Variants in CPNE4 observed in about 807,000 individuals in gnomAD.
The protein encoded by CPNE4 is copine 4, also known as copine-4.
In CPNE4, 25 loss-of-function variants were observed where a neutral mutation model predicts 67.9. The ratio of observed to expected loss-of-function variants is 0.37; its 90% CI spans 0.27 to 0.51. The LOEUF (loss-of-function observed/expected upper bound fraction) is 0.51, where lower values mean the gene tolerates loss of function less well. Among genes scored for constraint, CPNE4 ranks in the 20% least tolerant of loss-of-function variants. The probability of loss-of-function intolerance (pLI) is 0.93; values close to 1 mark genes in which losing one functional copy is unlikely to be tolerated. For synonymous variants in CPNE4, 242 were observed against 244.9 expected, an observed-to-expected ratio of 0.99 and a Z score of 0.11; for missense variants, 464 against 690.8, an observed-to-expected ratio of 0.67 and a Z score of 3.68.
chr3:132,005,203 G>A (rs2073557401), intron 1 of CPNE4, among the ~76,000 whole-genome samples: 1 of 151,046 alleles, frequency 6.6e-6, no homozygotes. Flanking sequence ...CAATTGCCCT[G>A]GAGAGCCACT....
At chr3:131,953,251 A>AATAAAT (rs1553813417) in intron 1 of CPNE4, among the ~76,000 whole-genome samples, 28,009 of 140,790 alleles carry the variant, frequency 0.2, 3,558 homozygotes, top group Middle Eastern at 0.28. Context: ...AAAAAAAAAA[A>AATAAAT]AAAAAAAAAA....
At chr3:131,571,775 C>G (rs776744641) in intron 10 of CPNE4, among the ~76,000 whole-genome samples, 2 of 151,954 alleles carry the variant, frequency 1.3e-5, no homozygotes, top group Non-Finnish European at 2.9e-5. Context: ...CTTCAAGGCC[C>G]TCGTCAATAT....
At position 131,555,632 on chromosome 3, in the gene CPNE4, A is replaced by G. The variant is rs146317922; in HGVS notation, c.1062-81T>C. ...ATGAGAAAGAAAAACATTAACCTAC[A>G]TTACTAGGTTGCTAGGCCATGTTGC... On this transcript the variant is annotated intron_variant, in intron 11 of 15. Transcript: ENST00000429747. The G allele has an allele frequency of 6.2e-4, 758 of 1,212,816 alleles. 2 individuals carry two copies. In the African/African-American group the frequency reaches 9.2e-3, roughly 15 times the overall value. 75.1% of individuals were successfully genotyped at this position (1,212,816 alleles called of 1,614,324 possible).
intron 10 of CPNE4, among the ~76,000 whole-genome samples, chr3:131,572,593 G>A (rs1046926390): frequency 6.6e-6 from 1 of 152,056 alleles, no homozygotes; most frequent in African/African-American, 2.4e-5. Flanking sequence ...ACAGAAGGGA[G>A]AGTGGAGAAG....
intron 2 of CPNE4, among the ~76,000 whole-genome samples, chr3:131,796,051 C>T (rs1267769831): frequency 6.6e-6 from 1 of 152,152 alleles, no homozygotes; most frequent in Non-Finnish European, 1.5e-5. Context: ...AGTCATTTAA[C>T]TTATCAGAGT....
intron 1 of CPNE4, among the ~76,000 whole-genome samples, chr3:131,988,399 T>G (rs1041562831): frequency 6.6e-6 from 1 of 152,178 alleles, no homozygotes; most frequent in Non-Finnish European, 1.5e-5. Context: ...CAGATTTGCA[T>G]TTTTAAAAAG....
chr3:131,722,922 A>G (rs1478304322), intron 3 of CPNE4, among the ~76,000 whole-genome samples: 2 of 152,238 alleles, frequency 1.3e-5, no homozygotes, highest in African/African-American at 4.8e-5. Flanking sequence ...CACTGATAAA[A>G]TGGATATAAT....
At chr3:131,686,510 A>G (rs540722133) in intron 5 of CPNE4, among the ~76,000 whole-genome samples, 3 of 152,320 alleles carry the variant, frequency 2.0e-5, no homozygotes, top group African/African-American at 7.2e-5. Context: ...AGCTTCTAGC[A>G]AGTGGTTATA....
At chr3:132,017,494 CCTTT>C (rs2073911575) in intron 1 of CPNE4, 1 of 152,208 alleles carries the variant, frequency 6.6e-6, no homozygotes, top group African/African-American at 2.4e-5. Flanking sequence ...ATACTTGTTC[CCTTT>C]CTATTTCCAA....
chr3:132,024,112 C>G (rs1477111247), intron 1 of CPNE4, among the ~76,000 whole-genome samples: 1 of 138,334 alleles, frequency 7.2e-6, no homozygotes, highest in Non-Finnish European at 1.5e-5. Context: ...GAGACACAGT[C>G]TTGCTCTGTT....
intron 1 of CPNE4, among the ~76,000 whole-genome samples, chr3:131,972,659 G>A (rs1319070507): frequency 6.6e-6 from 1 of 152,136 alleles, no homozygotes; most frequent in Non-Finnish European, 1.5e-5. Flanking sequence ...AAAGGGAGAA[G>A]GCCATATGGT....
intron 2 of CPNE4, among the ~76,000 whole-genome samples, chr3:131,748,630 T>C (rs1033958269): frequency 6.6e-6 from 1 of 152,086 alleles, no homozygotes; most frequent in African/African-American, 2.4e-5. Flanking sequence ...AGTCAAATTA[T>C]CTACTTCATT....
At chr3:131,713,258 G>A (rs1583063770) in intron 3 of CPNE4, among the ~76,000 whole-genome samples, 2 of 152,160 alleles carry the variant, frequency 1.3e-5, no homozygotes, top group Admixed American at 6.5e-5. Context: ...ATGGAAAAGG[G>A]CCTGTGTTAA....
intron 7 of CPNE4, among the ~76,000 whole-genome samples, chr3:131,631,901 T>C (rs2079232240): frequency 6.6e-6 from 1 of 150,376 alleles, no homozygotes; most frequent in Non-Finnish European, 1.5e-5. Context: ...TTTTTTCTTT[T>C]TTCTTTTTTT....
rs556256642 is a variant in CPNE4, at chr3:131,823,374, C to T, written c.180+81890G>A. Among the ~76,000 whole-genome samples the T allele has an allele frequency of 9.3e-4, 141 of 152,282 alleles. 1 individual carries two copies. The highest frequency in any genetic ancestry group is 5.4e-3 in the South Asian group (26 of 4,828). ...CCCCTGTATTTGACACTGACTGCAA[C>T]GCTCTTGAGCCTTCCATGATAGAAA... is the stretch of plus-strand genomic sequence containing the variant. On this transcript the variant is annotated intron_variant, in intron 2 of 15. Transcript: ENST00000429747.
In CPNE4 at chr3:131,991,051, C is replaced by T. The variant is rs752620912; in HGVS notation, c.-2+43516G>A. On this transcript the variant is annotated intron_variant, in intron 1 of 15. Transcript: ENST00000429747. ...TTTCCTGAGGCCTCCTTCCCCATGC[C>T]GAACTGTGAGTCAATTAAACCTCTT... 1.2e-4 allele frequency among the ~76,000 whole-genome samples: 17 copies of T among 136,328 alleles called. 3 individuals carry two copies. Among genetic ancestry groups the T allele is most frequent in the African/African-American group, 2.0e-4 (8 of 40,788 alleles). The allele number at this position is 136,328 out of a possible 152,430, so 89.4% of individuals were successfully genotyped here. A position where few individuals can be genotyped will look rare whatever the true frequency, so the allele number is the denominator to read the frequency against.
chr3:132,015,914 A>G (rs1199843214), intron 1 of CPNE4, among the ~76,000 whole-genome samples: 7 of 152,246 alleles, frequency 4.6e-5, no homozygotes, highest in Admixed American at 4.6e-4. Context: ...CTTCTCAGAC[A>G]CCTGAAAATA....
At chr3:132,023,912 A>G (rs963862507) in intron 1 of CPNE4, among the ~76,000 whole-genome samples, 60 of 152,326 alleles carry the variant, frequency 3.9e-4, no homozygotes, top group African/African-American at 1.4e-3. Context: ...GATGGCTACA[A>G]AAATCATCAA....
At chr3:131,678,270 T>C (rs1042178691) in intron 6 of CPNE4, among the ~76,000 whole-genome samples, 6 of 143,810 alleles carry the variant, frequency 4.2e-5, no homozygotes, top group African/African-American at 1.6e-4. Context: ...CCAGCAATTT[T>C]TGCACATTGA....
Sources: gnomAD v4.1 joint callset for allele counts (sites outside exome capture counted in the v4.1 genomes callset) on GRCh38, gnomAD v4.1.1 for gene constraint, MANE v1.5 for transcripts, NCBI Gene and HGNC (gene_info 2026-07-23, HGNC 2026-07-21) for gene names.